TRPM8: variants seen among roughly 807,000 people sequenced by gnomAD.
TRPM8 encodes the protein transient receptor potential cation channel subfamily M member 8, also known as TRPM8 cationic channel.
A neutral mutation model predicts 133.7 loss-of-function variants in TRPM8; 110 were observed. The observed-to-expected ratio is 0.82, with a 90% CI of 0.70 to 0.96. The LOEUF (loss-of-function observed/expected upper bound fraction) is 0.96. Ranked by LOEUF, TRPM8 falls within the 40% of genes least tolerant of loss-of-function variation. The pLI is 0.00. For synonymous variants in TRPM8, 535 were observed against 532.3 expected (o/e 1.01, Z -0.07); for missense variants, 1,291 against 1,379.5 (o/e 0.94, Z 1.02).
chr2:233,991,649 C>T (rs1016004839), intron 21 of TRPM8, among the ~76,000 whole-genome samples: 2 of 152,190 alleles, frequency 1.3e-5, no homozygotes, highest in Admixed American at 1.3e-4. Context: ...TTAGCATCTA[C>T]TTTTTCCTTG....
At chr2:234,015,743 C>G (rs1229608528) in intron 25 of TRPM8, among the ~76,000 whole-genome samples, 1 of 152,156 alleles carries the variant, frequency 6.6e-6, no homozygotes, top group East Asian at 1.9e-4. Context: ...GGAGGTACAG[C>G]CTTCTGACGT....
At chr2:233,959,248 A>T (rs1017222828) in intron 11 of TRPM8, among the ~76,000 whole-genome samples, 2 of 150,748 alleles carry the variant, frequency 1.3e-5, no homozygotes, top group African/African-American at 4.9e-5. Flanking sequence ...CTGGTCTCGA[A>T]CTCCTGACCT....
intron 17 of TRPM8, among the ~76,000 whole-genome samples, chr2:233,977,209 T>C (rs10803667): frequency 0.84 from 127,425 of 152,094 alleles, 53,574 homozygotes; most frequent in Middle Eastern, 0.9. Context: ...ACATTGGGGA[T>C]GTTTATTTAA....
chr2:233,970,390 G>T lies in TRPM8; in HGVS notation c.2319G>T (p.Ser773=). ...VPHPPELVLY[S]LVFVLFCDEV... Reference sequence around the variant, plus strand: ...ACCCCCCCGAGCTGGTCCTGTACTCGCTGGTCTTTGTCCTCTTCTGTGATG... The same window carrying T: ...ACCCCCCCGAGCTGGTCCTGTACTCTCTGGTCTTTGTCCTCTTCTGTGATG... Residue 773 remains serine (S), a synonymous_variant, in exon 17 of 26, where the codon TCG becomes TCT. Coordinates refer to ENST00000324695, the MANE Select transcript of TRPM8 (RefSeq NM_024080.5). The T allele has an allele frequency of 1.2e-6, 2 of 1,614,010 alleles. No homozygotes were observed. The highest frequency in any genetic ancestry group is 1.1e-5 in the South Asian group (1 of 91,068).
intron 20 of TRPM8, among the ~76,000 whole-genome samples, chr2:233,985,083 G>GA (rs11305740): frequency 0.17 from 24,358 of 146,282 alleles, 2,186 homozygotes; most frequent in East Asian, 0.42. Context: ...GATTCTGTCT[G>GA]AAAAAAAAAA....
At position 233,974,467 on chromosome 2, in the gene TRPM8, T is replaced by C. The variant is rs534087131; in HGVS notation, c.2355+4041T>C. 3.3e-5 allele frequency among the ~76,000 whole-genome samples: 5 copies of C among 152,214 alleles called. No homozygotes were observed. In the South Asian group the frequency reaches 1.0e-3, roughly 32 times the overall value. On this transcript the variant is annotated intron_variant, in intron 17 of 25. Coordinates refer to ENST00000324695, the MANE Select transcript of TRPM8 (RefSeq NM_024080.5). Reference sequence around the variant, plus strand: ...CAGGATGGTCTCAATCTCTTGACCTTGTGATCCACCCACCTCGGCCTCCCA... The same window carrying C: ...CAGGATGGTCTCAATCTCTTGACCTCGTGATCCACCCACCTCGGCCTCCCA...
In TRPM8 at chr2:233,947,104, C is replaced by T; in HGVS notation, c.891C>T (p.Gly297=). The T allele has an allele frequency of 6.2e-7, 1 of 1,614,016 alleles. No individual in the cohort carries two copies. The highest frequency in any genetic ancestry group is 1.1e-5 in the South Asian group (1 of 91,074). Residue 297 remains glycine, a synonymous_variant, in exon 8 of 26, where the codon GGC becomes GGT. Coordinates refer to ENST00000324695, the MANE Select transcript of TRPM8 (RefSeq NM_024080.5). ...ERTIQDSNYG[G]KIPIVCFAQG... is the part of the protein sequence containing the mutation. Reference sequence around the variant, plus strand: ...ATTTTACAGATTCCAACTATGGTGGCAAGATCCCCATTGTGTGTTTTGCCC... The same window carrying T: ...ATTTTACAGATTCCAACTATGGTGGTAAGATCCCCATTGTGTGTTTTGCCC...
At chr2:234,016,102 C>T (rs1034008703) in intron 25 of TRPM8, among the ~76,000 whole-genome samples, 14 of 152,152 alleles carry the variant, frequency 9.2e-5, no homozygotes, top group Admixed American at 2.0e-4. Context: ...CCTATCAACT[C>T]GCCCTTTCTT....
At chr2:233,994,934 G>T (rs781387134) in intron 21 of TRPM8, among the ~76,000 whole-genome samples, 9 of 152,202 alleles carry the variant, frequency 5.9e-5, no homozygotes, top group Non-Finnish European at 1.0e-4. Flanking sequence ...TTTGCAAATT[G>T]TAATATGCTT....
At chr2:233,951,956 T>C (rs1461825108) in intron 9 of TRPM8, among the ~76,000 whole-genome samples, 1 of 152,192 alleles carries the variant, frequency 6.6e-6, no homozygotes, top group African/African-American at 2.4e-5. Flanking sequence ...CCCAGTTTCT[T>C]GACCACTCTA....
intron 9 of TRPM8, among the ~76,000 whole-genome samples, chr2:233,950,988 G>A (rs1691159952): frequency 6.6e-6 from 1 of 152,120 alleles, no homozygotes; most frequent in Non-Finnish European, 1.5e-5. Context: ...ATCGCTTGAG[G>A]CCAGGAGTTC....
At chr2:233,992,243 A>C (rs376038969) in intron 21 of TRPM8, among the ~76,000 whole-genome samples, 4 of 152,054 alleles carry the variant, frequency 2.6e-5, no homozygotes, top group African/African-American at 9.6e-5. Context: ...ATGTCATGGA[A>C]AGTTCCTCCT....
chr2:233,947,184 T>A (rs528520245), intron 8 of TRPM8, 29 bp downstream of exon 8: 2 of 1,612,766 alleles, frequency 1.2e-6, no homozygotes, highest in Admixed American at 1.7e-5. Flanking sequence ...TTCTAGAAGG[T>A]TGGCTAATAA....
In TRPM8 at chr2:233,946,040, T is replaced by C. The variant is rs919762268; in HGVS notation, c.874+10T>C. 2.5e-6 allele frequency: 4 copies of C among 1,613,032 alleles called. No homozygotes were observed. The African/African-American group carries it at 4.0e-5, about 16-fold the overall frequency. On this transcript the variant is annotated intron_variant, in intron 7 of 25. Transcript: ENST00000324695. ...GAGCGCACTATTCAAGGTCAGTGGT[T>C]AGGAGGTAGGACACTAGAAGTGTAC...
chr2:233,930,047 G>A (rs1691649758), intron 2 of TRPM8, among the ~76,000 whole-genome samples: 1 of 152,000 alleles, frequency 6.6e-6, no homozygotes. Flanking sequence ...TATATATTCT[G>A]GCTATCAATC....
intron 2 of TRPM8, among the ~76,000 whole-genome samples, chr2:233,927,722 CTTT>C (rs1691550542): frequency 1.0e-4 from 3 of 29,324 alleles, no homozygotes; most frequent in Admixed American, 6.9e-4. Context: ...TTCTTTCTTT[CTTT>C]CTTTCTTTCT....
chr2:233,952,647 T>C (rs773836927), intron 9 of TRPM8, among the ~76,000 whole-genome samples: 3 of 151,486 alleles, frequency 2.0e-5, no homozygotes, highest in Admixed American at 1.3e-4. Context: ...TGGGATATCA[T>C]TAAAAGGTTT....
At chr2:233,956,736 T>A (rs1270656201) in intron 11 of TRPM8, among the ~76,000 whole-genome samples, 9 of 152,244 alleles carry the variant, frequency 5.9e-5, no homozygotes, top group Admixed American at 5.9e-4. Flanking sequence ...TAATGGCTTA[T>A]GAATTTTTAA....
Position 234,012,757 on chromosome 2 carries a change from C to A in TRPM8, c.3265-1805C>A, listed in dbSNP as rs373648673. 1.4e-4 allele frequency among the ~76,000 whole-genome samples: 22 copies of A among 151,862 alleles called. No individual in the cohort carries two copies. In the East Asian group the frequency reaches 4.3e-3, roughly 29 times the overall value. On this transcript the variant is annotated intron_variant, in intron 24 of 25. Transcript: ENST00000324695. The stretch of plus-strand genomic sequence containing the variant: ...TAGTTGTGGGTTTTTTCATATATGG[C>A]CTTTATTGTGTTGTAGTAAGTTCCT...
Sources: allele counts gnomAD v4.1 joint callset (sites outside exome capture counted in the v4.1 genomes callset), GRCh38; gene constraint gnomAD v4.1.1; transcripts MANE v1.5; gene names NCBI Gene and HGNC (gene_info 2026-07-23, HGNC 2026-07-21).